MFAP2: variants seen among roughly 807,000 people sequenced by gnomAD.
The protein encoded by MFAP2 is microfibril associated protein 2.
MFAP2 carries 23 observed loss-of-function variants against 30.6 expected under a neutral mutation model. That is an observed-to-expected ratio of 0.75 (90% CI 0.54 to 1.07). The LOEUF (loss-of-function observed/expected upper bound fraction) is 1.07, where lower values mean the gene tolerates loss of function less well. Among genes scored for constraint, MFAP2 ranks in the 50% least tolerant of loss-of-function variants. The probability of loss-of-function intolerance (pLI) is 0.00; values close to 1 mark genes in which losing one functional copy is unlikely to be tolerated. For missense variants in MFAP2, 198 were observed against 223.8 expected (o/e 0.88, Z 0.74); for synonymous variants, 73 against 85.7 (o/e 0.85, Z 0.82).
chr1:16,977,944 C>T, intron 2 of MFAP2: 1 of 368,506 alleles, frequency 2.7e-6, no homozygotes, highest in South Asian at 3.5e-5. Context: ...CACATCGGCT[C>T]CCAGAGAGGC....
At chr1:16,977,492 G>A (rs966119051) in intron 2 of MFAP2, 1 of 382,034 alleles carries the variant, frequency 2.6e-6, no homozygotes, top group Non-Finnish European at 4.8e-6. Context: ...GACACTCCCT[G>A]GGCCTGTGAG....
In MFAP2 at chr1:16,978,217, C is replaced by T. The variant is rs1370596284; in HGVS notation, c.37+20G>A. 7.0e-6 allele frequency: 11 copies of T among 1,564,288 alleles called. No homozygotes were observed. Among genetic ancestry groups the T allele is most frequent in the South Asian group, 1.2e-5 (1 of 84,920 alleles). ...AGCCCCACATAAGAGGAGCTACCCC[C>T]TGCCCCAGGAGCCACTTACCAGGCA... On this transcript the variant is annotated intron_variant, in intron 2 of 8. Coordinates refer to ENST00000375535, the MANE Select transcript of MFAP2 (RefSeq NM_002403.4).
At chr1:16,977,930 C>T (rs539557226) in intron 2 of MFAP2, 6 of 345,562 alleles carry the variant, frequency 1.7e-5, no homozygotes, top group Admixed American at 4.4e-5. Flanking sequence ...TGCCCCTGCA[C>T]CTGCACATCG....
At chr1:16,978,429 C>T (rs2076611303) in intron 1 of MFAP2, 115 bp from the exon 2 acceptor site, 1 of 845,280 alleles carries the variant, frequency 1.2e-6, no homozygotes, top group South Asian at 1.7e-5. Flanking sequence ...AGAAGCCAGG[C>T]ATGGGAGGGC....
intron 2 of MFAP2, 146 bp downstream of exon 2, chr1:16,978,091 G>T: frequency 1.2e-6 from 1 of 851,754 alleles, no homozygotes; most frequent in Non-Finnish European, 1.8e-6. Flanking sequence ...TCCAGTCTGT[G>T]GTCCAAGCAG....
upstream of MFAP2, chr1:16,980,776 G>C (rs1180302441): frequency 6.6e-6 from 1 of 152,386 alleles, no homozygotes; most frequent in Non-Finnish European, 1.5e-5. Flanking sequence ...TCCTGGGGGG[G>C]GGGGTGTCCC....
Position 16,975,315 on chromosome 1 carries a change from CTTG to C in MFAP2, c.399_401del (p.Asn133del). On this transcript the variant is annotated inframe_deletion, in exon 8 of 9. Coordinates refer to ENST00000375535, the MANE Select transcript of MFAP2 (RefSeq NM_002403.4). This position sits in a 1 kb window ranked among gnomAD's most constrained non-coding sequence, Gnocchi z 5.0. ...CACACACTGTACGAACACAGATCTCCTTGTTAATGACGTACACACGGCGGAGGC... is the reference window on the plus strand; with the variant it reads ...CACACACTGTACGAACACAGATCTCCTTAATGACGTACACACGGCGGAGGC... The C allele has an allele frequency of 6.2e-7, 1 of 1,614,030 alleles. No individual in the cohort carries two copies. Among genetic ancestry groups the C allele is most frequent in the Non-Finnish European group, 8.5e-7 (1 of 1,179,944 alleles).
chr1:16,979,107 C>T (rs1290431382), intron 1 of MFAP2: 1 of 152,472 alleles, frequency 6.6e-6, no homozygotes, highest in East Asian at 1.9e-4. Flanking sequence ...CCCCCTGACA[C>T]TGTAGGCAAG....
intron 2 of MFAP2, chr1:16,977,962 C>T (rs1449425073): frequency 2.7e-5 from 11 of 412,342 alleles, no homozygotes; most frequent in Non-Finnish European, 4.5e-5. Flanking sequence ...GGCCTTGTGC[C>T]TTGTGCCCAC....
intron 1 of MFAP2, among the ~76,000 whole-genome samples, chr1:16,980,371 C>T (rs2076628566): frequency 2.0e-5 from 3 of 151,658 alleles, no homozygotes; most frequent in Admixed American, 2.0e-4. Flanking sequence ...AACTCGGGCT[C>T]CCCGCCCTTC....
chr1:16,975,452 C>CA lies in MFAP2; in HGVS notation c.375-111_375-110insT. 1.6e-6 allele frequency: 2 copies of CA among 1,246,290 alleles called. No homozygotes were observed. The highest frequency in any genetic ancestry group is 2.3e-6 in the Non-Finnish European group (2 of 872,762). The allele number at this position is 1,246,290 out of a possible 1,614,324, so 77.2% of individuals were successfully genotyped here. On this transcript the variant is annotated intron_variant, in intron 7 of 8. Transcript: ENST00000375535. The surrounding 1 kb of genome is among the most constrained non-coding windows in gnomAD (Gnocchi z 5.0). ...CCGGACAGAACCTGGCACGGGAGCC[C>CA]GGACAGAACCTGGCACTGGAGCCCA...
At position 16,975,500 on chromosome 1, in the gene MFAP2, C is replaced by T; in HGVS notation, c.374+143G>A. 1.7e-6 allele frequency: 2 copies of T among 1,210,410 alleles called. No homozygotes were observed. The highest frequency in any genetic ancestry group is 2.4e-6 in the Non-Finnish European group (2 of 834,206). The allele number at this position is 1,210,410 out of a possible 1,614,324, so 75.0% of individuals were successfully genotyped here. ...CCAGGAGTGGAGGAGGTCCCTGGCCCAGGCTCAACCACAGAACTGAGCTCA... is the reference window on the plus strand; with the variant it reads ...CCAGGAGTGGAGGAGGTCCCTGGCCTAGGCTCAACCACAGAACTGAGCTCA... On this transcript the variant is annotated intron_variant, in intron 7 of 8. Transcript: ENST00000375535. The surrounding 1 kb of genome is among the most constrained non-coding windows in gnomAD (Gnocchi z 5.0).
chr1:16,979,218 T>C (rs948829256), intron 1 of MFAP2: 1 of 152,260 alleles, frequency 6.6e-6, no homozygotes, highest in Admixed American at 6.5e-5. Context: ...ACGGTGGGAC[T>C]TGGGGGAGCC....
chr1:16,976,650 A>C lies in MFAP2; in HGVS notation c.241+58T>G. ...GCAGACCCCCACTCCCAGGGTTGAC[A>C]GGGTGGGGAGGGGTGAGGCAGGAGC... On this transcript the variant is annotated intron_variant, in intron 5 of 8. Transcript: ENST00000375535. This position sits in a 1 kb window ranked among gnomAD's most constrained non-coding sequence, Gnocchi z 5.5. 1 of 1,608,766 alleles carries C rather than the reference A, an allele frequency of 6.2e-7. No individual in the cohort carries two copies. Among genetic ancestry groups the C allele is most frequent in the Non-Finnish European group, 8.5e-7 (1 of 1,176,180 alleles).
In MFAP2 at chr1:16,977,199, C is replaced by T. The variant is rs1557655319; in HGVS notation, c.38-1G>A. The T allele has an allele frequency of 3.7e-6, 6 of 1,613,230 alleles. No individual in the cohort carries two copies. The highest frequency in any genetic ancestry group is 3.4e-6 in the Non-Finnish European group (4 of 1,179,778). ...TACTGGCCCTGAGCCAGCAAGCCTG[C>T]TGTGGGGAGGCAAAGCATGTAGGGT... On this transcript the variant is annotated splice_acceptor_variant, in intron 2 of 8. Transcript: ENST00000375535. LOFTEE classifies it high-confidence loss of function.
rs370070867 is a variant in MFAP2 at position 16,976,177 on chromosome 1, C to A, written c.286+324G>T. 2.0e-3 allele frequency: 1,057 copies of A among 537,818 alleles called. 19 individuals carry two copies. In the South Asian group the frequency reaches 0.022, roughly 11 times the overall value. 33.3% of individuals were successfully genotyped at this position (537,818 alleles called of 1,614,324 possible). A position where few individuals can be genotyped will look rare whatever the true frequency, so the allele number is the denominator to read the frequency against. On this transcript the variant is annotated intron_variant, in intron 6 of 8. Transcript: ENST00000375535. This position sits in a 1 kb window ranked among gnomAD's most constrained non-coding sequence, Gnocchi z 5.5. Reference sequence around the variant, plus strand: ...AGCCAGCCTGCACTCCCTGGCCCTTCCTCGCCTCCACATGTGCACCACTCA... The same window carrying A: ...AGCCAGCCTGCACTCCCTGGCCCTTACTCGCCTCCACATGTGCACCACTCA...
At chr1:16,979,770 G>A (rs1279405398) in intron 1 of MFAP2, among the ~76,000 whole-genome samples, 1 of 152,248 alleles carries the variant, frequency 6.6e-6, no homozygotes, top group African/African-American at 2.4e-5. Context: ...GGTACCCTGC[G>A]GGGAGTCTTC....
rs996609430 is a variant in MFAP2 at position 16,976,083 on chromosome 1, C to T, written c.287-353G>A. ...ACCAACCCACACGAGAGTGAGCACA[C>T]GGATTCTCCTGCACACACACACCTT... On this transcript the variant is annotated intron_variant, in intron 6 of 8. Transcript: ENST00000375535. The surrounding 1 kb of genome is among the most constrained non-coding windows in gnomAD (Gnocchi z 5.5). 26 of 459,014 alleles carry T rather than the reference C, an allele frequency of 5.7e-5. No individual in the cohort carries two copies. Among genetic ancestry groups the T allele is most frequent in the African/African-American group, 3.9e-4 (20 of 50,978 alleles). 28.4% of individuals were successfully genotyped at this position (459,014 alleles called of 1,614,324 possible).
Position 16,976,229 on chromosome 1 carries a change from A to G in MFAP2, c.286+272T>C. ...TCTCTCTGGCTGGCAGGAAGCCCCC[A>G]GCACACTCCCTGCCCCTCCCAGTAT... On this transcript the variant is annotated intron_variant, in intron 6 of 8. Transcript: ENST00000375535. The surrounding 1 kb of genome is among the most constrained non-coding windows in gnomAD (Gnocchi z 5.5). The G allele has an allele frequency of 3.4e-6, 2 of 584,506 alleles. No homozygotes were observed. The highest frequency in any genetic ancestry group is 3.1e-6 in the Non-Finnish European group (1 of 327,542). The allele number at this position is 584,506 out of a possible 1,614,324, so 36.2% of individuals were successfully genotyped here.
Sources: gnomAD v4.1 joint callset for allele counts (sites outside exome capture counted in the v4.1 genomes callset) on GRCh38, gnomAD v4.1.1 for gene constraint, Gnocchi (gnomAD v3.1) non-coding constraint, MANE v1.5 for transcripts, NCBI Gene and HGNC (gene_info 2026-07-23, HGNC 2026-07-21) for gene names.